The following GDAP2 variants were observed in gnomAD, a reference collection of about 807,000 sequenced individuals.
GDAP2 encodes the protein ganglioside-induced differentiation-associated protein 2.
Under a neutral mutation model 67.0 loss-of-function variants are expected in GDAP2, and 51 were observed. The ratio of observed to expected loss-of-function variants is 0.76; its 90% confidence interval spans 0.61 to 0.96. The LOEUF is 0.96. GDAP2 is among the 40% of genes least tolerant of loss of function. The pLI is 0.00. For missense variants in GDAP2, 547 were observed against 588.3 expected, an observed-to-expected ratio of 0.93 and a Z score of 0.73; for synonymous variants, 203 against 207.3, an observed-to-expected ratio of 0.98 and a Z score of 0.18.
chr1:117,915,172 G>C (rs1220298684), intron 3 of GDAP2, among the ~76,000 whole-genome samples: 1 of 152,138 alleles, frequency 6.6e-6, no homozygotes, highest in Non-Finnish European at 1.5e-5. Flanking sequence ...ACATTAAGCA[G>C]ACAACACAAC....
intron 8 of GDAP2, among the ~76,000 whole-genome samples, chr1:117,896,228 A>G (rs1462937840): frequency 6.6e-6 from 1 of 152,196 alleles, no homozygotes; most frequent in East Asian, 1.9e-4. Context: ...AGACATTTAT[A>G]GTTTGTTTAC....
chr1:117,923,968 A>C (rs889160555), intron 1 of GDAP2, among the ~76,000 whole-genome samples: 3 of 152,218 alleles, frequency 2.0e-5, no homozygotes, highest in Non-Finnish European at 4.4e-5. Flanking sequence ...AGTGTCCCAC[A>C]GTCTGGATAT....
chr1:117,903,116 T>A (rs966659542), intron 6 of GDAP2, among the ~76,000 whole-genome samples: 1 of 152,224 alleles, frequency 6.6e-6, no homozygotes, highest in East Asian at 1.9e-4. Context: ...ATTGATCTTA[T>A]GTCCTGTAAC....
At position 117,891,513 on chromosome 1, in the gene GDAP2, G is replaced by T. The variant is rs114634826; in HGVS notation, c.954-3739C>A. Among the ~76,000 whole-genome samples, 1,058 of 152,118 alleles carry T rather than the reference G, an allele frequency of 7.0e-3. 12 individuals carry two copies. The highest frequency in any genetic ancestry group is 0.024 in the African/African-American group (980 of 41,492). On this transcript the variant is annotated intron_variant, in intron 8 of 13. Coordinates refer to ENST00000369443, the MANE Select transcript of GDAP2 (RefSeq NM_017686.4). ...AAGCATTTCTCTGGTCAGTAATGAG[G>T]TTGAGATTCTGCTCATGTTGACTTG... is the stretch of plus-strand genomic sequence containing the variant.
At chr1:117,918,101 T>C (rs1455213487) in intron 3 of GDAP2, among the ~76,000 whole-genome samples, 2 of 152,198 alleles carry the variant, frequency 1.3e-5, no homozygotes, top group South Asian at 2.1e-4. Flanking sequence ...CAAGATTTCA[T>C]ATAGGTTAAC....
intron 4 of GDAP2, 27 bp from the exon 5 acceptor site, chr1:117,912,109 T>G (rs1275096973): frequency 1.5e-6 from 2 of 1,351,230 alleles, no homozygotes; most frequent in Admixed American, 3.4e-5. Context: ...ACACAAAAAT[T>G]GCACTAGAAA....
chr1:117,885,319 A>G (rs1570969935), intron 10 of GDAP2, among the ~76,000 whole-genome samples: 4 of 152,248 alleles, frequency 2.6e-5, no homozygotes, highest in Admixed American at 6.5e-5. Context: ...CTATATAACT[A>G]TATCACTATA....
rs371907734 is a variant in GDAP2 at position 117,916,481 on chromosome 1, A to G, written c.316+2116T>C. ...GAGAGGCCACTAAATAGTTTGAAGT[A>G]AACGAACAATAAGGGGTTTACACTT... On this transcript the variant is annotated intron_variant, in intron 3 of 13. Coordinates refer to ENST00000369443, the MANE Select transcript of GDAP2 (RefSeq NM_017686.4). Among the ~76,000 whole-genome samples the G allele has an allele frequency of 4.6e-5, 7 of 152,360 alleles. No individual in the cohort carries two copies. The East Asian group carries it at 9.7e-4, about 21-fold the overall frequency.
intron 12 of GDAP2, among the ~76,000 whole-genome samples, chr1:117,878,959 G>A (rs1648560412): frequency 6.6e-6 from 1 of 152,168 alleles, no homozygotes; most frequent in South Asian, 2.1e-4. Flanking sequence ...GGTAACGTAT[G>A]CAGGAAATAG....
chr1:117,896,805 A>C, intron 8 of GDAP2, 28 bp downstream of exon 8: 1 of 1,555,798 alleles, frequency 6.4e-7, no homozygotes. Flanking sequence ...GTCCTTATGT[A>C]TCTAACAGTC....
intron 5 of GDAP2, among the ~76,000 whole-genome samples, chr1:117,911,109 A>T (rs1649840562): frequency 6.6e-6 from 1 of 152,218 alleles, no homozygotes. Context: ...TCTTTAGAAG[A>T]AACACCACTA....
chr1:117,877,578 A>G, intron 13 of GDAP2: 3 of 980,502 alleles, frequency 3.1e-6, no homozygotes, highest in Non-Finnish European at 3.6e-6. Flanking sequence ...CCTTTTAGAT[A>G]AATGAAACTT....
At chr1:117,904,839 A>G (rs557072910) in intron 6 of GDAP2, among the ~76,000 whole-genome samples, 1 of 152,208 alleles carries the variant, frequency 6.6e-6, no homozygotes, top group Non-Finnish European at 1.5e-5. Context: ...GATAAGCACA[A>G]TGGTTCGCTG....
intron 13 of GDAP2, chr1:117,877,697 T>C: frequency 9.5e-7 from 1 of 1,053,740 alleles, no homozygotes; most frequent in Non-Finnish European, 1.1e-6. Flanking sequence ...CATTCAATCT[T>C]AAGAAAATTA....
At chr1:117,904,774 A>AT (rs1649602661) in intron 6 of GDAP2, among the ~76,000 whole-genome samples, 1 of 152,146 alleles carries the variant, frequency 6.6e-6, no homozygotes, top group Admixed American at 6.5e-5. Context: ...TTTGTATCCT[A>AT]TCCTATGAAA....
At chr1:117,871,428 T>G (rs1190854765) in intron 13 of GDAP2, among the ~76,000 whole-genome samples, 2 of 152,220 alleles carry the variant, frequency 1.3e-5, no homozygotes, top group African/African-American at 2.4e-5. Context: ...AGTATTTCTT[T>G]GACAAAGAAT....
chr1:117,915,645 G>A (rs1214659255), intron 3 of GDAP2, among the ~76,000 whole-genome samples: 1 of 152,152 alleles, frequency 6.6e-6, no homozygotes, highest in Admixed American at 6.5e-5. Flanking sequence ...ATATAAGAAT[G>A]TATGTATACA....
At position 117,909,452 on chromosome 1, in the gene GDAP2, A is replaced by T. The variant is rs186915043; in HGVS notation, c.559+2542T>A. Among the ~76,000 whole-genome samples the T allele has an allele frequency of 1.6e-3, 244 of 152,342 alleles. 1 individual carries two copies. Among genetic ancestry groups the T allele is most frequent in the Non-Finnish European group, 5.6e-4 (38 of 68,024 alleles). ...TATTATTTAGGCTTCAAATGAAATAAATTTTGATAATAGTTTAATAAGAAA... is the reference window on the plus strand; with the variant it reads ...TATTATTTAGGCTTCAAATGAAATATATTTTGATAATAGTTTAATAAGAAA... On this transcript the variant is annotated intron_variant, in intron 5 of 13. Transcript: ENST00000369443.
rs547385648 is a variant in GDAP2, at chr1:117,924,719, C to T, written c.-67-4295G>A. Among the ~76,000 whole-genome samples, 4 of 152,212 alleles carry T rather than the reference C, an allele frequency of 2.6e-5. No individual in the cohort carries two copies. In the East Asian group the frequency reaches 7.7e-4, roughly 29 times the overall value. On this transcript the variant is annotated intron_variant, in intron 1 of 13. Transcript: ENST00000369443. Reference sequence around the variant, plus strand: ...GATAAATTTGTATGAGAAGACTATTCTTATTTGACACTAAATACACCTTTG... The same window carrying T: ...GATAAATTTGTATGAGAAGACTATTTTTATTTGACACTAAATACACCTTTG...
Sources: gnomAD v4.1 joint callset for allele counts (sites outside exome capture counted in the v4.1 genomes callset) on GRCh38, gnomAD v4.1.1 for gene constraint, MANE v1.5 for transcripts, NCBI Gene and HGNC (gene_info 2026-07-23, HGNC 2026-07-21) for gene names.